The following ZNF362 variants were observed in gnomAD, a reference collection of about 807,000 sequenced individuals.
The protein encoded by ZNF362 is zinc finger protein 362, also known as rotund homolog.
Under a neutral mutation model 42.9 loss-of-function variants are expected in ZNF362, and 11 were observed. That is an observed-to-expected ratio of 0.26 (90% CI 0.16 to 0.42). The LOEUF is 0.42. Ranked by LOEUF, ZNF362 falls within the 20% of genes least tolerant of loss-of-function variation. The probability of loss-of-function intolerance (pLI) is 1.00; values close to 1 mark genes in which losing one functional copy is unlikely to be tolerated. For missense variants in ZNF362, 362 were observed against 576.2 expected, an observed-to-expected ratio of 0.63 and a Z score of 3.81; for synonymous variants, 255 against 257.3, an observed-to-expected ratio of 0.99 and a Z score of 0.09.
the ZNF362 span, among the ~76,000 whole-genome samples, chr1:33,178,127 C>T: frequency 4.6e-5 from 7 of 152,142 alleles, no homozygotes; most frequent in Admixed American, 2.0e-4. Flanking sequence ...CCTCTGGCTT[C>T]GAGGCCTTAG....
the ZNF362 span, among the ~76,000 whole-genome samples, chr1:33,154,689 T>C: frequency 1.3e-5 from 2 of 151,600 alleles, no homozygotes; most frequent in South Asian, 2.1e-4. Context: ...TCCCAGCTAC[T>C]TGGGAGGCCG....
the ZNF362 span, among the ~76,000 whole-genome samples, chr1:33,132,171 G>A: frequency 5.3e-5 from 8 of 152,154 alleles, no homozygotes; most frequent in East Asian, 9.6e-4. Flanking sequence ...TGGGAAGAAC[G>A]CACTGTGAGC....
the ZNF362 span, chr1:33,181,729 G>T: frequency 2.2e-6 from 1 of 447,216 alleles, no homozygotes; most frequent in Non-Finnish European, 4.0e-6. This position sits in a 1 kb window ranked among gnomAD's most constrained non-coding sequence, Gnocchi z 6.5. Context: ...AGATCCTGAC[G>T]GGGAGGTTCT....
chr1:33,258,721 C>G (rs543467404), intron 1 of ZNF362, among the ~76,000 whole-genome samples: 1 of 152,134 alleles, frequency 6.6e-6, no homozygotes, highest in African/African-American at 2.4e-5. Flanking sequence ...ATCCCTTCAC[C>G]CCCTCCTACC....
chr1:33,222,025 G>A, the ZNF362 span, among the ~76,000 whole-genome samples: 8 of 152,172 alleles, frequency 5.3e-5, no homozygotes, highest in Non-Finnish European at 1.2e-4. Flanking sequence ...GAGGTAGTAT[G>A]TGTGTTCTGA....
chr1:33,181,585 G>A, the ZNF362 span: 2 of 1,346,296 alleles, frequency 1.5e-6, no homozygotes, highest in Admixed American at 3.2e-5. The surrounding 1 kb of genome is among the most constrained non-coding windows in gnomAD (Gnocchi z 6.5). Context: ...GGTGCTGTCC[G>A]GAAGGAGGGT....
chr1:33,238,949 T>C, the ZNF362 span, among the ~76,000 whole-genome samples: 2 of 152,124 alleles, frequency 1.3e-5, no homozygotes, highest in African/African-American at 4.8e-5. Flanking sequence ...AGAAAATGAA[T>C]TTCTGTTGTT....
the ZNF362 span, among the ~76,000 whole-genome samples, chr1:33,210,690 C>T: frequency 0.021 from 3,128 of 152,052 alleles, 91 homozygotes; most frequent in African/African-American, 0.071. Context: ...TGGCCTTCTT[C>T]ATCTCTTTTG....
rs1186777367 is a variant in ZNF362, at chr1:33,294,984, A to G, written c.956A>G (p.Glu319Gly). ...TACAAGTGCCCACATCCTGGCTGCG[A>G]GAAGGCTTTCACTCAGCTCTCCAAC... is the stretch of plus-strand genomic sequence containing the variant. ...RPYKCPHPGC[E>G]KAFTQLSNLQ... Residue 319 changes from glutamate (E) to glycine (G), a missense_variant, in exon 7 of 9, where the codon GAG becomes GGG. Transcript: ENST00000539719. The surrounding 1 kb of genome is among the most constrained non-coding windows in gnomAD (Gnocchi z 4.2). 5.0e-6 allele frequency: 8 copies of G among 1,614,130 alleles called. No individual in the cohort carries two copies. The highest frequency in any genetic ancestry group is 6.8e-6 in the Non-Finnish European group (8 of 1,179,992).
At chr1:33,261,985 G>C (rs1645830729) in intron 1 of ZNF362, among the ~76,000 whole-genome samples, 1 of 152,232 alleles carries the variant, frequency 6.6e-6, no homozygotes, top group Non-Finnish European at 1.5e-5. Flanking sequence ...GATGCACAGG[G>C]TGTGCCTGGC....
the ZNF362 span, among the ~76,000 whole-genome samples, chr1:33,175,923 A>T: frequency 6.6e-6 from 1 of 152,138 alleles, no homozygotes; most frequent in African/African-American, 2.4e-5. Context: ...TATAAAATAA[A>T]CATCTTGGGG....
the ZNF362 span, among the ~76,000 whole-genome samples, chr1:33,188,047 A>T: frequency 6.6e-6 from 1 of 152,132 alleles, no homozygotes; most frequent in Admixed American, 6.5e-5. Flanking sequence ...CAGCCTGACC[A>T]ACATGGTGAA....
the ZNF362 span, chr1:33,181,360 C>A: frequency 6.3e-7 from 1 of 1,595,748 alleles, no homozygotes. This position sits in a 1 kb window ranked among gnomAD's most constrained non-coding sequence, Gnocchi z 6.5. Context: ...TGCTCGCAGC[C>A]CAGGCTCACC....
the ZNF362 span, among the ~76,000 whole-genome samples, chr1:33,156,283 T>G: frequency 2.0e-5 from 3 of 152,324 alleles, no homozygotes; most frequent in African/African-American, 7.2e-5. Context: ...GCTTGAAAAC[T>G]CCTTTAAAGC....
intron 4 of ZNF362, 130 bp downstream of exon 4, chr1:33,276,724 A>G: frequency 8.5e-7 from 1 of 1,182,420 alleles, no homozygotes; most frequent in East Asian, 3.6e-5. Context: ...GGGGTAGGGC[A>G]TAAAGCTTGG....
chr1:33,140,467 G>A, the ZNF362 span, among the ~76,000 whole-genome samples: 4 of 152,252 alleles, frequency 2.6e-5, no homozygotes, highest in Non-Finnish European at 5.9e-5. The surrounding 1 kb of genome is among the most constrained non-coding windows in gnomAD (Gnocchi z 4.0). Flanking sequence ...TTGACCTGCG[G>A]TATGTGGTAA....
the ZNF362 span, among the ~76,000 whole-genome samples, chr1:33,161,592 G>A: frequency 0.013 from 2,000 of 152,274 alleles, 43 homozygotes; most frequent in African/African-American, 0.046. This position sits in a 1 kb window ranked among gnomAD's most constrained non-coding sequence, Gnocchi z 4.3. Context: ...GCAGACAAAG[G>A]GGGGCGGACG....
chr1:33,236,735 G>A, the ZNF362 span, among the ~76,000 whole-genome samples: 35 of 150,944 alleles, frequency 2.3e-4, 2 homozygotes, highest in African/African-American at 7.3e-4. Context: ...TGAGGTGACC[G>A]ATTTGTTAAT....
At chr1:33,140,028 G>A in the ZNF362 span, among the ~76,000 whole-genome samples, 7 of 152,140 alleles carry the variant, frequency 4.6e-5, no homozygotes, top group Admixed American at 1.3e-4. This position sits in a 1 kb window ranked among gnomAD's most constrained non-coding sequence, Gnocchi z 4.0. Flanking sequence ...GAGGAACACC[G>A]GAGGGTAAAT....
Sources: gnomAD v4.1 joint callset for allele counts (sites outside exome capture counted in the v4.1 genomes callset) on GRCh38, gnomAD v4.1.1 for gene constraint, Gnocchi (gnomAD v3.1) non-coding constraint, MANE v1.5 for transcripts, NCBI Gene and HGNC (gene_info 2026-07-23, HGNC 2026-07-21) for gene names.